The following CARD6 variants were observed in gnomAD, a reference collection of about 807,000 sequenced individuals.
The protein encoded by CARD6 is caspase recruitment domain-containing protein 6.
A neutral mutation model predicts 23.6 loss-of-function variants in CARD6; 27 were observed. The ratio of observed to expected loss-of-function variants is 1.14; its 90% CI spans 0.84 to 1.58. CARD6 has a LOEUF of 1.58. CARD6 is among the 40% of genes most tolerant of loss of function. The pLI is 0.00. For synonymous variants in CARD6, 397 were observed against 431.8 expected (o/e 0.92, Z 1.00); for missense variants, 1,214 against 1,209.9 (o/e 1.00, Z -0.05).
chr5:40,846,498 G>A (rs1254947885), intron 2 of CARD6, among the ~76,000 whole-genome samples: 1 of 152,066 alleles, frequency 6.6e-6, no homozygotes, highest in African/African-American at 2.4e-5. Context: ...AGTGGCTTTA[G>A]AACAACAAAA....
At chr5:40,843,780 G>T in intron 2 of CARD6, 71 bp downstream of exon 2, 1 of 1,012,986 alleles carries the variant, frequency 9.9e-7, no homozygotes, top group East Asian at 2.7e-5. Context: ...TGACATAATG[G>T]GGATGGGGGA....
chr5:40,854,125 A>G lies in CARD6; in HGVS notation c.2793A>G (p.Ile931Met), dbSNP rs1186079818. ...GGGCTTCAAATCCAGCTCTCCAAAT[A>G]GGGTCCCATCCCATGTGCAAGAGCT... ...QGGASNPALQ[I>M]GSHPMCKSSQ... The change falls in exon 3 of 3, where the codon ATA becomes ATG. Residue 931 changes from isoleucine to methionine, a missense_variant. Ile to Met is a conservative substitution (Grantham distance 10). Coordinates refer to ENST00000254691, the MANE Select transcript of CARD6 (RefSeq NM_032587.4). The G allele has an allele frequency of 9.3e-6, 15 of 1,614,222 alleles. No homozygotes were observed. Among genetic ancestry groups the G allele is most frequent in the Non-Finnish European group, 1.3e-5 (15 of 1,180,048 alleles).
intron 2 of CARD6, 150 bp downstream of exon 2, chr5:40,843,859 T>C: frequency 3.8e-6 from 2 of 530,474 alleles, no homozygotes; most frequent in South Asian, 9.1e-5. Context: ...TGACCTGGAA[T>C]CTCCTCGAGG....
At chr5:40,850,591 G>A (rs763637209) in intron 2 of CARD6, among the ~76,000 whole-genome samples, 54 of 147,826 alleles carry the variant, frequency 3.7e-4, no homozygotes, top group Non-Finnish European at 6.1e-4. Context: ...GTGTGACGGC[G>A]GGCGCCTGTA....
At chr5:40,844,063 T>C (rs1417524916) in intron 2 of CARD6, among the ~76,000 whole-genome samples, 1 of 152,196 alleles carries the variant, frequency 6.6e-6, no homozygotes, top group African/African-American at 2.4e-5. Context: ...TAAACCACTT[T>C]AGTTATTTTA....
rs770610077 is a variant in CARD6 at position 40,853,545 on chromosome 5, T to G, written c.2213T>G (p.Ile738Ser). Residue 738 changes from isoleucine to serine, a missense_variant, in exon 3 of 3, where the codon ATT becomes AGT. Ile to Ser is a moderately radical substitution (Grantham distance 142). Transcript: ENST00000254691. The stretch of plus-strand genomic sequence containing the variant: ...AACTCCTGGCTCTTTCCAACCAGAA[T>G]TGGAGGTAACTTTAACCATGTTTCC... ...LENSWLFPTRIGGNFNHVSLK... is the reference protein window; with the variant it reads ...LENSWLFPTRSGGNFNHVSLK... 3 of 1,614,190 alleles carry G rather than the reference T, an allele frequency of 1.9e-6. No individual in the cohort carries two copies. Among genetic ancestry groups the G allele is most frequent in the Non-Finnish European group, 2.5e-6 (3 of 1,180,008 alleles).
At position 40,854,376 on chromosome 5, in the gene CARD6, C is replaced by G. The variant is rs1268659747; in HGVS notation, c.3044C>G (p.Ser1015Cys). 1 of 1,614,168 alleles carries G rather than the reference C, an allele frequency of 6.2e-7. No homozygotes were observed. ...SQPRPPQPKSSSTNPSQAKAH... is the reference protein window; with the variant it reads ...SQPRPPQPKSCSTNPSQAKAH... ...CCCAGACCCCCTCAACCTAAGTCATCCTCAACCAATCCTTCACAAGCTAAG... is the reference window on the plus strand; with the variant it reads ...CCCAGACCCCCTCAACCTAAGTCATGCTCAACCAATCCTTCACAAGCTAAG... The change falls in exon 3 of 3, where the codon TCC becomes TGC. Residue 1015 changes from serine to cysteine, a missense_variant. Ser to Cys is a moderately radical substitution (Grantham distance 112). Coordinates refer to ENST00000254691, the MANE Select transcript of CARD6 (RefSeq NM_032587.4).
In CARD6 at chr5:40,841,681, A is replaced by G. The variant is rs1261508594; in HGVS notation, c.283+16A>G. 2.5e-6 allele frequency: 4 copies of G among 1,599,816 alleles called. No homozygotes were observed. The highest frequency in any genetic ancestry group is 2.2e-5 in the South Asian group (2 of 89,766). ...TTAAGGCATGGTAAGTTGACTTTGT[A>G]TACTTTTTGGGGTGAGAGGAAGGGG... On this transcript the variant is annotated intron_variant, in intron 1 of 2. Transcript: ENST00000254691.
intron 2 of CARD6, among the ~76,000 whole-genome samples, chr5:40,849,189 G>A (rs903572683): frequency 1.2e-4 from 18 of 152,030 alleles, no homozygotes; most frequent in African/African-American, 4.3e-4. Context: ...TAGAGACGGG[G>A]TGTCATTATG....
chr5:40,842,803 C>T lies in CARD6; in HGVS notation c.284-349C>T, dbSNP rs535817479. Reference sequence around the variant, plus strand: ...CTGTAATCCCAGCACTTTGGGAGGCCGGGGCAGATGGATCACCTGAGGTCA... The same window carrying T: ...CTGTAATCCCAGCACTTTGGGAGGCTGGGGCAGATGGATCACCTGAGGTCA... On this transcript the variant is annotated intron_variant, in intron 1 of 2. Transcript: ENST00000254691. 5.3e-5 allele frequency among the ~76,000 whole-genome samples: 8 copies of T among 152,146 alleles called. No homozygotes were observed. In the South Asian group the frequency reaches 1.0e-3, roughly 20 times the overall value.
chr5:40,846,175 G>T (rs1291028039), intron 2 of CARD6, among the ~76,000 whole-genome samples: 2 of 151,792 alleles, frequency 1.3e-5, no homozygotes, highest in Non-Finnish European at 2.9e-5. Flanking sequence ...ACCACGCCTG[G>T]CTAATTTTTG....
At chr5:40,850,733 A>C (rs1746050595) in intron 2 of CARD6, among the ~76,000 whole-genome samples, 1 of 150,656 alleles carries the variant, frequency 6.6e-6, no homozygotes, top group Non-Finnish European at 1.5e-5. Context: ...AAAAAAAAAA[A>C]AAAAAAAAAA....
At chr5:40,849,324 T>C (rs1347016792) in intron 2 of CARD6, among the ~76,000 whole-genome samples, 5 of 151,998 alleles carry the variant, frequency 3.3e-5, no homozygotes, top group Non-Finnish European at 7.4e-5. Context: ...GCTGAAGAAG[T>C]AGAGAATTGC....
intron 2 of CARD6, among the ~76,000 whole-genome samples, chr5:40,848,375 C>G (rs537649419): frequency 6.6e-6 from 1 of 152,032 alleles, no homozygotes. Context: ...ACCGCCAGGC[C>G]TGGTTAATTT....
chr5:40,853,441 A>G lies in CARD6; in HGVS notation c.2109A>G (p.Gln703=). ...SSKSQALMPI[Q]EPGTQCELSQ... is the part of the protein sequence containing the mutation. ...AAAGCCAGGCTCTAATGCCAATTCA[A>G]GAGCCTGGGACTCAATGTGAGCTCA... Residue 703 remains glutamine (Q), a synonymous_variant, in exon 3 of 3, where the codon CAA becomes CAG. Transcript: ENST00000254691. 1 of 1,614,224 alleles carries G rather than the reference A, an allele frequency of 6.2e-7. No individual in the cohort carries two copies. The highest frequency in any genetic ancestry group is 8.5e-7 in the Non-Finnish European group (1 of 1,180,034).
At position 40,843,596 on chromosome 5, in the gene CARD6, G is replaced by A. The variant is rs772406332; in HGVS notation, c.728G>A (p.Gly243Asp). 27 of 1,608,492 alleles carry A rather than the reference G, an allele frequency of 1.7e-5. No homozygotes were observed. In the Admixed American group the frequency reaches 1.9e-4, roughly 11 times the overall value. The change falls in exon 2 of 3, where the codon GGT (glycine) becomes GAT (aspartate). Residue 243 changes from glycine to aspartate, a missense_variant. Coordinates refer to ENST00000254691, the MANE Select transcript of CARD6 (RefSeq NM_032587.4). ...YDDPEHVGYD[G>D]EEDFENSETT... ...GACCCAGAGCACGTTGGATATGATG[G>A]TGAAGAGGACTTCGAGAATTCAGAA...
chr5:40,852,612 T>A lies in CARD6; in HGVS notation c.1280T>A (p.Ile427Asn). 6.2e-7 allele frequency: 1 copy of A among 1,614,126 alleles called. No individual in the cohort carries two copies. The highest frequency in any genetic ancestry group is 8.5e-7 in the Non-Finnish European group (1 of 1,180,022). Reference protein sequence around the residue: ...SILMLGAMKDIVKKQSTQFSG... With the variant: ...SILMLGAMKDNVKKQSTQFSG... ...TTAATGCTGGGGGCCATGAAAGACA[T>A]TGTGAAGAAGCAGTCAACACAGTTT... The change falls in exon 3 of 3, where the codon ATT becomes AAT. Residue 427 changes from isoleucine to asparagine, a missense_variant. Ile to Asn is a moderately radical substitution (Grantham distance 149, BLOSUM62 -3). Coordinates refer to ENST00000254691, the MANE Select transcript of CARD6 (RefSeq NM_032587.4).
At chr5:40,841,791 TG>T in intron 1 of CARD6, 126 bp downstream of exon 1, 1 of 769,668 alleles carries the variant, frequency 1.3e-6, no homozygotes, top group South Asian at 2.1e-5. Context: ...TAATTTTCAT[TG>T]AAATATGAAA....
intron 2 of CARD6, among the ~76,000 whole-genome samples, chr5:40,845,686 G>T (rs1318850124): frequency 2.6e-5 from 4 of 151,892 alleles, no homozygotes; most frequent in Admixed American, 1.3e-4. Flanking sequence ...TCTTCCGTAG[G>T]TAACATTCTA....
Sources: allele counts gnomAD v4.1 joint callset (sites outside exome capture counted in the v4.1 genomes callset), GRCh38; gene constraint gnomAD v4.1.1; transcripts MANE v1.5; gene names NCBI Gene and HGNC (gene_info 2026-07-23, HGNC 2026-07-21).